AGPS: variants seen among roughly 807,000 people sequenced by gnomAD.
The protein encoded by AGPS is alkylglycerone phosphate synthase.
A neutral mutation model predicts 90.7 loss-of-function variants in AGPS; 26 were observed. The ratio of observed to expected loss-of-function variants is 0.29; its 90% confidence interval spans 0.21 to 0.40. The LOEUF is 0.40. Ranked by LOEUF, AGPS falls within the 10% of genes least tolerant of loss-of-function variation. AGPS has a pLI of 1.00. For missense variants in AGPS, 540 were observed against 816.1 expected, an observed-to-expected ratio of 0.66 and a Z score of 4.12; for synonymous variants, 294 against 285.3, an observed-to-expected ratio of 1.03 and a Z score of -0.31.
chr2:177,439,227 G>C (rs535094512), intron 5 of AGPS, among the ~76,000 whole-genome samples: 1 of 152,124 alleles, frequency 6.6e-6, no homozygotes, highest in Non-Finnish European at 1.5e-5. Flanking sequence ...ACAAAAATCC[G>C]TGCTCTCAAG....
intron 10 of AGPS, among the ~76,000 whole-genome samples, chr2:177,470,403 A>G (rs1269593780): frequency 6.6e-6 from 1 of 152,198 alleles, no homozygotes; most frequent in Admixed American, 6.5e-5. Context: ...TAAAGTAAGC[A>G]AAGAACTATA....
At chr2:177,497,424 A>G (rs758619765) in intron 12 of AGPS, among the ~76,000 whole-genome samples, 2 of 151,962 alleles carry the variant, frequency 1.3e-5, no homozygotes, top group Non-Finnish European at 2.9e-5. Flanking sequence ...TTAATTACAT[A>G]TAGTGATTTG....
At chr2:177,505,037 A>G (rs1688669622) in intron 14 of AGPS, among the ~76,000 whole-genome samples, 1 of 152,030 alleles carries the variant, frequency 6.6e-6, no homozygotes, top group South Asian at 2.1e-4. Context: ...AAATATTTCT[A>G]TGTAAGTATG....
At chr2:177,532,454 G>A in intron 19 of AGPS, among the ~76,000 whole-genome samples, 1 of 152,066 alleles carries the variant, frequency 6.6e-6, no homozygotes, top group East Asian at 1.9e-4. Flanking sequence ...AAAAAATAGT[G>A]ACAATATCAA....
At chr2:177,446,277 C>G (rs1686769624) in intron 8 of AGPS, among the ~76,000 whole-genome samples, 1 of 152,130 alleles carries the variant, frequency 6.6e-6, no homozygotes, top group African/African-American at 2.4e-5. Context: ...CCTCAGCCTC[C>G]CCAGTAGCTG....
At chr2:177,511,590 T>C (rs1688874378) in intron 16 of AGPS, among the ~76,000 whole-genome samples, 2 of 152,106 alleles carry the variant, frequency 1.3e-5, no homozygotes, top group African/African-American at 4.8e-5. Context: ...ATCTAGAGGA[T>C]GTAGAGGTAA....
chr2:177,446,560 GGATCAA>G (rs1180807343), intron 8 of AGPS, among the ~76,000 whole-genome samples: 1 of 152,152 alleles, frequency 6.6e-6, no homozygotes, highest in Non-Finnish European at 1.5e-5. Flanking sequence ...TAGTGGTAAA[GGATCAA>G]GCCAGGAAAA....
intron 19 of AGPS, among the ~76,000 whole-genome samples, chr2:177,528,949 G>A (rs909535539): frequency 8.4e-5 from 11 of 130,708 alleles, no homozygotes; most frequent in South Asian, 2.6e-4. Flanking sequence ...TCTGCCTCCC[G>A]GGTTCAAGCT....
intron 8 of AGPS, among the ~76,000 whole-genome samples, chr2:177,459,081 TATTTA>T (rs1475413707): frequency 2.6e-5 from 4 of 152,232 alleles, no homozygotes; most frequent in Non-Finnish European, 5.9e-5. Flanking sequence ...AAAGATTCCC[TATTTA>T]ATCAATGGTG....
At chr2:177,523,992 T>TAG (rs1377687947) in intron 19 of AGPS, among the ~76,000 whole-genome samples, 187 bp downstream of exon 19, 1 of 152,198 alleles carries the variant, frequency 6.6e-6, no homozygotes, top group East Asian at 1.9e-4. Context: ...CACTAGAAGC[T>TAG]TACTTTGACA....
At chr2:177,512,085 TAAAG>T (rs1688891243) in intron 16 of AGPS, among the ~76,000 whole-genome samples, 2 of 152,166 alleles carry the variant, frequency 1.3e-5, no homozygotes, top group South Asian at 4.1e-4. Flanking sequence ...AGAGCCAACA[TAAAG>T]AACTTGTTCC....
At chr2:177,435,819 T>C (rs1287408004) in intron 3 of AGPS, among the ~76,000 whole-genome samples, 1 of 152,242 alleles carries the variant, frequency 6.6e-6, no homozygotes, top group East Asian at 1.9e-4. Flanking sequence ...TCTTCCTATA[T>C]TCTAGCCATG....
intron 12 of AGPS, among the ~76,000 whole-genome samples, chr2:177,493,461 G>A (rs1360400629): frequency 6.6e-6 from 1 of 152,168 alleles, no homozygotes; most frequent in African/African-American, 2.4e-5. Flanking sequence ...TAAAGAGTCA[G>A]AAAAGGCTTT....
At position 177,414,940 on chromosome 2, in the gene AGPS, A is replaced by T. The variant is rs1234008134; in HGVS notation, c.261-5329A>T. Reference sequence around the variant, plus strand: ...TGTGTGTATAATGTATATAATATACATATATGATGAATGCATTATAAATAA... The same window carrying T: ...TGTGTGTATAATGTATATAATATACTTATATGATGAATGCATTATAAATAA... On this transcript the variant is annotated intron_variant, in intron 1 of 19. Transcript: ENST00000264167. Among the ~76,000 whole-genome samples the T allele has an allele frequency of 2.7e-5, 3 of 110,140 alleles. No individual in the cohort carries two copies. In the East Asian group the frequency reaches 7.9e-4, roughly 29 times the overall value. 72.3% of individuals were successfully genotyped at this position (110,140 alleles called of 152,430 possible). A position where few individuals can be genotyped will look rare whatever the true frequency, so the allele number is the denominator to read the frequency against.
intron 1 of AGPS, among the ~76,000 whole-genome samples, chr2:177,416,083 A>C (rs1685776764): frequency 6.6e-6 from 1 of 152,180 alleles, no homozygotes; most frequent in Admixed American, 6.5e-5. Context: ...TATGACTATT[A>C]TGATTAGAAA....
chr2:177,491,433 T>TC (rs1309076115), intron 11 of AGPS, among the ~76,000 whole-genome samples: 3 of 147,702 alleles, frequency 2.0e-5, no homozygotes, highest in Non-Finnish European at 4.5e-5. Flanking sequence ...TAATTTCTTT[T>TC]TTTTTTTTTT....
chr2:177,464,055 C>T (rs1320758792), intron 9 of AGPS, among the ~76,000 whole-genome samples: 2 of 152,180 alleles, frequency 1.3e-5, no homozygotes, highest in Admixed American at 1.3e-4. Flanking sequence ...GATTCTCCTG[C>T]CTCAGCCTCC....
At position 177,487,673 on chromosome 2, in the gene AGPS, A is replaced by G. The variant is rs532276588; in HGVS notation, c.1234-5475A>G. On this transcript the variant is annotated intron_variant, in intron 11 of 19. Coordinates refer to ENST00000264167, the MANE Select transcript of AGPS (RefSeq NM_003659.4). ...GAGTATTTATTACATAGAGAAACTG[A>G]AATTATTTTAAATCATTTTTTTTGT... is the stretch of plus-strand genomic sequence containing the variant. Among the ~76,000 whole-genome samples, 381 of 152,272 alleles carry G rather than the reference A, an allele frequency of 2.5e-3. 4 individuals carry two copies. Among genetic ancestry groups the G allele is most frequent in the African/African-American group, 8.6e-3 (358 of 41,542 alleles).
chr2:177,449,233 G>A (rs1686865479), intron 8 of AGPS, among the ~76,000 whole-genome samples: 1 of 152,126 alleles, frequency 6.6e-6, no homozygotes, highest in Non-Finnish European at 1.5e-5. Context: ...AGATCAAAAT[G>A]GTAGGTATAT....
Sources: gnomAD v4.1 joint callset for allele counts (sites outside exome capture counted in the v4.1 genomes callset) on GRCh38, gnomAD v4.1.1 for gene constraint, MANE v1.5 for transcripts, NCBI Gene and HGNC (gene_info 2026-07-23, HGNC 2026-07-21) for gene names.